YTHDC1: variants seen among roughly 807,000 people sequenced by gnomAD.
YTHDC1 encodes the protein YTH N6-methyladenosine RNA binding protein C1.
A neutral mutation model predicts 107.0 loss-of-function variants in YTHDC1; 12 were observed. The ratio of observed to expected loss-of-function variants is 0.11; its 90% CI spans 0.07 to 0.18. YTHDC1 has a LOEUF of 0.18. Among genes scored for constraint, YTHDC1 ranks in the 10% least tolerant of loss-of-function variants. YTHDC1 has a pLI of 1.00. For synonymous variants in YTHDC1, 280 were observed against 289.5 expected, an observed-to-expected ratio of 0.97 and a Z score of 0.33; for missense variants, 635 against 898.8, an observed-to-expected ratio of 0.71 and a Z score of 3.75.
chr4:68,334,233 G>A (rs527645900), intron 4 of YTHDC1, among the ~76,000 whole-genome samples: 2 of 151,958 alleles, frequency 1.3e-5, no homozygotes, highest in South Asian at 2.1e-4. Context: ...TAGAGATAAG[G>A]GAATAGGAAG....
In YTHDC1 at chr4:68,311,410, G is replaced by T. The variant is rs143127400; in HGVS notation, c.*2689C>A. The T allele has an allele frequency of 6.6e-6, 1 of 151,956 alleles. No homozygotes were observed. Among genetic ancestry groups the T allele is most frequent in the Non-Finnish European group, 1.5e-5 (1 of 68,012 alleles). The allele number at this position is 151,956 out of a possible 1,614,324, so 9.4% of individuals were successfully genotyped here. ...ACTCCAGCCAATAAAATCCCTGACCGGATTTCTAAACTCGGAATGACTGAA... is the reference window on the plus strand; with the variant it reads ...ACTCCAGCCAATAAAATCCCTGACCTGATTTCTAAACTCGGAATGACTGAA... On this transcript the variant is annotated 3_prime_UTR_variant, in exon 17 of 17. Transcript: ENST00000344157.
chr4:68,348,897 C>G (rs1309603523), intron 1 of YTHDC1, among the ~76,000 whole-genome samples: 1 of 152,214 alleles, frequency 6.6e-6, no homozygotes, highest in Non-Finnish European at 1.5e-5. Context: ...ATCTAGACCA[C>G]TCTCCAGAGA....
rs751336967 is a variant in YTHDC1, at chr4:68,322,957, CT to C, written c.1435-43del. The C allele has an allele frequency of 4.7e-5, 74 of 1,587,900 alleles. No individual in the cohort carries two copies. Among genetic ancestry groups the C allele is most frequent in the Non-Finnish European group, 5.8e-5 (67 of 1,162,706 alleles). On this transcript the variant is annotated intron_variant, in intron 10 of 16. Coordinates refer to ENST00000344157, the MANE Select transcript of YTHDC1 (RefSeq NM_001031732.4). The surrounding 1 kb of genome is among the most constrained non-coding windows in gnomAD (Gnocchi z 4.8). ...GCAATTTATAAAACAAAAACAGACCCTTTCAACAGACTTGCATTTTCCTGAT... is the reference window on the plus strand; with the variant it reads ...GCAATTTATAAAACAAAAACAGACCCTTCAACAGACTTGCATTTTCCTGAT...
chr4:68,320,117 A>G lies in YTHDC1; in HGVS notation c.1684+6T>C. 1 of 1,586,998 alleles carries G rather than the reference A, an allele frequency of 6.3e-7. No individual in the cohort carries two copies. The highest frequency in any genetic ancestry group is 8.6e-7 in the Non-Finnish European group (1 of 1,166,824). On this transcript the variant is annotated splice_donor_region_variant and intron_variant, in intron 12 of 16. Transcript: ENST00000344157. ...TCAAATATCTGCAGGATTATAAAAT[A>G]TTAACCTGGTCTCTGGTGAAACTCA...
At chr4:68,349,525 T>G (rs1725840034) in intron 1 of YTHDC1, among the ~76,000 whole-genome samples, 1 of 151,440 alleles carries the variant, frequency 6.6e-6, no homozygotes, top group Admixed American at 6.6e-5. Flanking sequence ...GATGAAGTGC[T>G]AGGCCATATG....
At chr4:68,329,214 C>T (rs1249476842) in intron 9 of YTHDC1, among the ~76,000 whole-genome samples, 1 of 152,144 alleles carries the variant, frequency 6.6e-6, no homozygotes, top group South Asian at 2.1e-4. Context: ...CCCTATCCCA[C>T]TCACACATCC....
rs1468495757 is a variant in YTHDC1, at chr4:68,318,740, T to G, written c.1722-11A>C. The G allele has an allele frequency of 4.3e-6, 7 of 1,614,132 alleles. No homozygotes were observed. The highest frequency in any genetic ancestry group is 5.9e-6 in the Non-Finnish European group (7 of 1,180,000). On this transcript the variant is annotated splice_polypyrimidine_tract_variant and intron_variant, in intron 13 of 16. Transcript: ENST00000344157. ...ACTCCTGAAAATCGTCTGTTGGGAA[T>G]AAGATTTGTGAAACTAAATTCAGGT... is the stretch of plus-strand genomic sequence containing the variant.
At chr4:68,341,355 A>AT (rs1324228567) in intron 1 of YTHDC1, among the ~76,000 whole-genome samples, 1 of 152,194 alleles carries the variant, frequency 6.6e-6, no homozygotes, top group East Asian at 1.9e-4. Context: ...AGAAAGCTCT[A>AT]TATCTTTAAC....
At chr4:68,327,880 T>C (rs1723169135) in intron 9 of YTHDC1, among the ~76,000 whole-genome samples, 1 of 152,150 alleles carries the variant, frequency 6.6e-6, no homozygotes, top group Non-Finnish European at 1.5e-5. Flanking sequence ...TGAATAGAAC[T>C]TGAGTATTAA....
At chr4:68,340,154 A>G (rs1041444011) in intron 1 of YTHDC1, among the ~76,000 whole-genome samples, 1 of 152,166 alleles carries the variant, frequency 6.6e-6, no homozygotes, top group Non-Finnish European at 1.5e-5. Flanking sequence ...GGGGCTATAA[A>G]CAGGTTAAAT....
chr4:68,313,108 T>G lies in YTHDC1; in HGVS notation c.*991A>C, dbSNP rs1233685998. On this transcript the variant is annotated 3_prime_UTR_variant, in exon 17 of 17. Transcript: ENST00000344157. ...AAATGTTATCAGGTGTATAAATACT[T>G]AACCAAATTATTAACATAACTCTGT... 1 of 152,208 alleles carries G rather than the reference T, an allele frequency of 6.6e-6. No individual in the cohort carries two copies. The highest frequency in any genetic ancestry group is 1.5e-5 in the Non-Finnish European group (1 of 68,026). 9.4% of individuals were successfully genotyped at this position (152,208 alleles called of 1,614,324 possible).
In YTHDC1 at chr4:68,334,428, A is replaced by G. The variant is rs569487133; in HGVS notation, c.884-1031T>C. ...ATTACAGATGAAGAAACCTTGAATTAGACAGGCAGTTAGGCAACTAGACTA... is the reference window on the plus strand; with the variant it reads ...ATTACAGATGAAGAAACCTTGAATTGGACAGGCAGTTAGGCAACTAGACTA... On this transcript the variant is annotated intron_variant, in intron 4 of 16. Transcript: ENST00000344157. 4.0e-5 allele frequency among the ~76,000 whole-genome samples: 6 copies of G among 151,372 alleles called. No individual in the cohort carries two copies. In the East Asian group the frequency reaches 1.2e-3, roughly 29 times the overall value.
intron 16 of YTHDC1, among the ~76,000 whole-genome samples, chr4:68,314,590 A>T (rs1042773967): frequency 1.3e-5 from 2 of 152,200 alleles, no homozygotes; most frequent in African/African-American, 4.8e-5. Context: ...GCAGTTTTCC[A>T]CTTAACTTTA....
intron 4 of YTHDC1, 51 bp downstream of exon 4, chr4:68,336,976 A>G: frequency 2.0e-6 from 3 of 1,527,678 alleles, no homozygotes; most frequent in Non-Finnish European, 2.6e-6. Context: ...TTCAAGACTG[A>G]AACCTATCAA....
At chr4:68,345,221 T>G (rs557716861) in intron 1 of YTHDC1, among the ~76,000 whole-genome samples, 1 of 152,118 alleles carries the variant, frequency 6.6e-6, no homozygotes, top group African/African-American at 2.4e-5. Flanking sequence ...TCTAGGGATA[T>G]CAGGGTAGAA....
intron 4 of YTHDC1, among the ~76,000 whole-genome samples, chr4:68,334,571 T>G (rs537122476): frequency 1.8e-4 from 27 of 152,302 alleles, no homozygotes; most frequent in African/African-American, 6.5e-4. Flanking sequence ...TAACTAGTTT[T>G]GGGGGCTTTT....
At chr4:68,340,038 G>C (rs1724640838) in intron 1 of YTHDC1, among the ~76,000 whole-genome samples, 1 of 152,072 alleles carries the variant, frequency 6.6e-6, no homozygotes, top group South Asian at 2.1e-4. Context: ...GTGCCAAAGA[G>C]GAAGTATAAA....
At chr4:68,325,421 T>C (rs759297808) in intron 9 of YTHDC1, among the ~76,000 whole-genome samples, 5 of 152,072 alleles carry the variant, frequency 3.3e-5, no homozygotes, top group South Asian at 2.1e-4. Context: ...AGGGATACAT[T>C]TGAAACAAAG....
chr4:68,332,557 C>T (rs1030813378), intron 6 of YTHDC1, among the ~76,000 whole-genome samples: 1 of 151,956 alleles, frequency 6.6e-6, no homozygotes, highest in African/African-American at 2.4e-5. Flanking sequence ...CACACATACA[C>T]ACACACACCC....
Sources: allele counts gnomAD v4.1 joint callset (sites outside exome capture counted in the v4.1 genomes callset), GRCh38; gene constraint gnomAD v4.1.1; non-coding constraint Gnocchi (gnomAD v3.1); transcripts MANE v1.5; gene names NCBI Gene and HGNC (gene_info 2026-07-23, HGNC 2026-07-21).